FLOT2: variants seen among roughly 807,000 people sequenced by gnomAD.
The protein encoded by FLOT2 is flotillin 2.
A neutral mutation model predicts 54.9 loss-of-function variants in FLOT2; 35 were observed. That is an observed-to-expected ratio of 0.64 (90% CI 0.49 to 0.84). The LOEUF (loss-of-function observed/expected upper bound fraction) is 0.84, where lower values mean the gene tolerates loss of function less well. FLOT2 is among the 40% of genes least tolerant of loss of function. FLOT2 has a pLI of 0.00. For missense variants in FLOT2, 464 were observed against 572.1 expected (o/e 0.81, Z 1.93); for synonymous variants, 207 against 228.9 (o/e 0.90, Z 0.86).
intron 2 of FLOT2, among the ~76,000 whole-genome samples, chr17:28,886,496 A>G (rs182439338): frequency 6.6e-6 from 1 of 152,216 alleles, no homozygotes; most frequent in East Asian, 1.9e-4. Context: ...ATGTGGGGCC[A>G]AGGAAGGCTG....
rs1461426020 is a variant in FLOT2 at position 28,882,912 on chromosome 17, C to T, written c.346+196G>A. ...AGCAGCACTAGGTTCCTGAGCAGAC[C>T]GACAGCCCCCATCCCACCCCTTCAC... On this transcript the variant is annotated intron_variant, in intron 4 of 10. Coordinates refer to ENST00000394908, the MANE Select transcript of FLOT2 (RefSeq NM_004475.3). The surrounding 1 kb of genome is among the most constrained non-coding windows in gnomAD (Gnocchi z 5.6). The T allele has an allele frequency of 2.5e-5, 16 of 651,002 alleles. No homozygotes were observed. Among genetic ancestry groups the T allele is most frequent in the Middle Eastern group, 4.2e-4 (1 of 2,394 alleles). 40.3% of individuals were successfully genotyped at this position (651,002 alleles called of 1,614,324 possible).
intron 2 of FLOT2, among the ~76,000 whole-genome samples, chr17:28,885,460 G>T (rs544141064): frequency 6.6e-6 from 1 of 152,314 alleles, no homozygotes; most frequent in Admixed American, 6.5e-5. Context: ...CTGAGAAGGT[G>T]CTCAGTAGAG....
At position 28,884,249 on chromosome 17, in the gene FLOT2, A is replaced by G; in HGVS notation, c.198T>C (p.Ala66=). The G allele has an allele frequency of 6.2e-7, 1 of 1,613,620 alleles. No homozygotes were observed. Among genetic ancestry groups the G allele is most frequent in the Non-Finnish European group, 8.5e-7 (1 of 1,179,664 alleles). The change falls in exon 3 of 11, where the codon GCT becomes GCC. Residue 66 remains alanine (A), a synonymous_variant. Coordinates refer to ENST00000394908, the MANE Select transcript of FLOT2 (RefSeq NM_004475.3). This position sits in a 1 kb window ranked among gnomAD's most constrained non-coding sequence, Gnocchi z 5.1. ...CCTGGGCGACACCCGTCACAGTTAA[A>G]GCTACCCCCTCGGCCGTCTCTACGT... ...CEDVETAEGV[A]LTVTGVAQVK...
At chr17:28,888,884 C>T (rs2039595983) in intron 2 of FLOT2, 61 bp downstream of exon 2, 1 of 1,225,266 alleles carries the variant, frequency 8.2e-7, no homozygotes, top group Non-Finnish European at 1.2e-6. Context: ...CAGAACAATG[C>T]TGGAAGCCCC....
chr17:28,891,874 T>A (rs1229745355), intron 1 of FLOT2, among the ~76,000 whole-genome samples: 1 of 152,118 alleles, frequency 6.6e-6, no homozygotes, highest in Non-Finnish European at 1.5e-5. Flanking sequence ...TGGGGAGGGC[T>A]TGAAAGGTTG....
At chr17:28,890,841 CAG>C (rs754455813) in intron 1 of FLOT2, among the ~76,000 whole-genome samples, 18 of 148,396 alleles carry the variant, frequency 1.2e-4, no homozygotes, top group Non-Finnish European at 2.2e-4. Flanking sequence ...TGGGAAAAAC[CAG>C]AGAGTGTTAT....
intron 1 of FLOT2, among the ~76,000 whole-genome samples, chr17:28,894,813 T>G (rs753061797): frequency 2.7e-5 from 4 of 149,142 alleles, no homozygotes; most frequent in Non-Finnish European, 6.0e-5. Context: ...AAAAAAAAAG[T>G]CCATATCCTA....
At position 28,883,429 on chromosome 17, in the gene FLOT2, C is replaced by A. The variant is rs1009781692; in HGVS notation, c.223-198G>T. Among the ~76,000 whole-genome samples, 1 of 152,166 alleles carries A rather than the reference C, an allele frequency of 6.6e-6. No individual in the cohort carries two copies. Among genetic ancestry groups the A allele is most frequent in the Non-Finnish European group, 1.5e-5 (1 of 68,014 alleles). ...GGGCTTCTCTCACTATGAAACTTCTCCTGCACTGACAGCCCCAGGCCCTGC... is the reference window on the plus strand; with the variant it reads ...GGGCTTCTCTCACTATGAAACTTCTACTGCACTGACAGCCCCAGGCCCTGC... On this transcript the variant is annotated intron_variant, in intron 3 of 10. Transcript: ENST00000394908. The surrounding 1 kb of genome is among the most constrained non-coding windows in gnomAD (Gnocchi z 5.0).
intron 2 of FLOT2, among the ~76,000 whole-genome samples, chr17:28,887,135 T>C (rs1436895261): frequency 6.6e-6 from 1 of 151,716 alleles, no homozygotes; most frequent in African/African-American, 2.4e-5. Flanking sequence ...GGCCTCGGGA[T>C]AGTATAGGAT....
At chr17:28,881,113 C>T in intron 9 of FLOT2, 79 bp downstream of exon 9, 1 of 1,354,330 alleles carries the variant, frequency 7.4e-7, no homozygotes, top group Non-Finnish European at 1.0e-6. Flanking sequence ...CTCGCAAGGC[C>T]CAGAGAAGTT....
Position 28,897,685 on chromosome 17 carries a change from CCGCT to C in FLOT2, c.-115_-112del, listed in dbSNP as rs1177609500. ...CCCGCCACCCCCAGCGGCCGGCCGC[CCGCT>C]CGCTCGCCCGCGCCCCTCTGCGGTC... On this transcript the variant is annotated 5_prime_UTR_variant, in exon 1 of 11. Coordinates refer to ENST00000394908, the MANE Select transcript of FLOT2 (RefSeq NM_004475.3). The surrounding 1 kb of genome is among the most constrained non-coding windows in gnomAD (Gnocchi z 4.4). The C allele has an allele frequency of 2.7e-5, 27 of 1,003,784 alleles. No individual in the cohort carries two copies. The highest frequency in any genetic ancestry group is 3.4e-5 in the Non-Finnish European group (26 of 768,588). 62.2% of individuals were successfully genotyped at this position (1,003,784 alleles called of 1,614,324 possible). A position where few individuals can be genotyped will look rare whatever the true frequency, so the allele number is the denominator to read the frequency against.
intron 1 of FLOT2, among the ~76,000 whole-genome samples, chr17:28,892,048 G>A (rs1472054630): frequency 6.6e-6 from 1 of 152,188 alleles, no homozygotes; most frequent in Admixed American, 6.5e-5. Flanking sequence ...TTTCTCTGGG[G>A]TAGAACTACC....
rs530105848 is a variant in FLOT2 at position 28,882,889 on chromosome 17, C to T, written c.347-198G>A. 1 of 634,672 alleles carries T rather than the reference C, an allele frequency of 1.6e-6. No individual in the cohort carries two copies. Among genetic ancestry groups the T allele is most frequent in the Non-Finnish European group, 2.7e-6 (1 of 365,280 alleles). The allele number at this position is 634,672 out of a possible 1,614,324, so 39.3% of individuals were successfully genotyped here. A position where few individuals can be genotyped will look rare whatever the true frequency, so the allele number is the denominator to read the frequency against. On this transcript the variant is annotated intron_variant, in intron 4 of 10. Transcript: ENST00000394908. The surrounding 1 kb of genome is among the most constrained non-coding windows in gnomAD (Gnocchi z 5.6). ...GCTGAATGAGGAAAAGTGTCCCAAGCAGCACTAGGTTCCTGAGCAGACCGA... is the reference window on the plus strand; with the variant it reads ...GCTGAATGAGGAAAAGTGTCCCAAGTAGCACTAGGTTCCTGAGCAGACCGA...
chr17:28,880,227 C>T lies in FLOT2; in HGVS notation c.*334G>A. 1.7e-6 allele frequency: 2 copies of T among 1,174,796 alleles called. No homozygotes were observed. The highest frequency in any genetic ancestry group is 2.1e-6 in the Non-Finnish European group (2 of 944,380). 72.8% of individuals were successfully genotyped at this position (1,174,796 alleles called of 1,614,324 possible). On this transcript the variant is annotated 3_prime_UTR_variant, in exon 11 of 11. Coordinates refer to ENST00000394908, the MANE Select transcript of FLOT2 (RefSeq NM_004475.3). ...GATTCTGAGGAGCAGCAGGGCCACC[C>T]CCCACAGAGAGTGATTGTAATAAAC...
In FLOT2 at chr17:28,883,793, G is replaced by A. The variant is rs2039495830; in HGVS notation, c.222+432C>T. On this transcript the variant is annotated intron_variant, in intron 3 of 10. Coordinates refer to ENST00000394908, the MANE Select transcript of FLOT2 (RefSeq NM_004475.3). This position sits in a 1 kb window ranked among gnomAD's most constrained non-coding sequence, Gnocchi z 5.0. ...AAGCCCTCACCTAGGCCCTCAGCAG[G>A]GGATATGATGCAGCCTCCGACTCCC... is the stretch of plus-strand genomic sequence containing the variant. Among the ~76,000 whole-genome samples the A allele has an allele frequency of 6.6e-6, 1 of 151,998 alleles. No individual in the cohort carries two copies. Among genetic ancestry groups the A allele is most frequent in the Admixed American group, 6.6e-5 (1 of 15,264 alleles).
chr17:28,896,615 A>G (rs1358251000), intron 1 of FLOT2, among the ~76,000 whole-genome samples: 2 of 152,218 alleles, frequency 1.3e-5, no homozygotes, highest in Non-Finnish European at 2.9e-5. Flanking sequence ...GGCAGCTGTG[A>G]GGCCTGGCTC....
chr17:28,889,924 C>A (rs1318632074), intron 1 of FLOT2, among the ~76,000 whole-genome samples: 1 of 152,194 alleles, frequency 6.6e-6, no homozygotes, highest in Non-Finnish European at 1.5e-5. Context: ...AGGCATGAGC[C>A]ACCACGCCTG....
chr17:28,886,066 G>GC, intron 2 of FLOT2: 2 of 588,890 alleles, frequency 3.4e-6, no homozygotes, highest in African/African-American at 2.1e-5. Context: ...GGCGGGGGGG[G>GC]GCATGCTGTC....
intron 1 of FLOT2, among the ~76,000 whole-genome samples, chr17:28,890,862 C>CTTT (rs869029497): frequency 5.3e-5 from 4 of 74,962 alleles, no homozygotes; most frequent in Non-Finnish European, 7.4e-5. Context: ...ATCATTTCTT[C>CTTT]TTTTTTTTTT....
Sources: gnomAD v4.1 joint callset for allele counts (sites outside exome capture counted in the v4.1 genomes callset) on GRCh38, gnomAD v4.1.1 for gene constraint, Gnocchi (gnomAD v3.1) non-coding constraint, MANE v1.5 for transcripts, NCBI Gene and HGNC (gene_info 2026-07-23, HGNC 2026-07-21) for gene names.